The following SYT16 variants were observed in gnomAD, a reference collection of about 807,000 sequenced individuals.
The protein encoded by SYT16 is synaptotagmin 16, also known as synaptotagmin-16.
Under a neutral mutation model 61.4 loss-of-function variants are expected in SYT16, and 42 were observed. The ratio of observed to expected loss-of-function variants is 0.68; its 90% CI spans 0.53 to 0.89. SYT16 has a LOEUF of 0.89. Ranked by LOEUF, SYT16 falls within the 40% of genes least tolerant of loss-of-function variation. SYT16 has a pLI of 0.00. For missense variants in SYT16, 804 were observed against 807.3 expected, an observed-to-expected ratio of 1.00 and a Z score of 0.05; for synonymous variants, 314 against 302.3, an observed-to-expected ratio of 1.04 and a Z score of -0.40.
At chr14:61,985,660 C>T (rs2052275596) in intron 2 of SYT16, among the ~76,000 whole-genome samples, 1 of 152,094 alleles carries the variant, frequency 6.6e-6, no homozygotes, top group Non-Finnish European at 1.5e-5. Context: ...CTGGAAAAAC[C>T]TCATTCATTT....
At chr14:61,956,830 T>G (rs1421825397) in intron 1 of SYT16, among the ~76,000 whole-genome samples, 1 of 151,996 alleles carries the variant, frequency 6.6e-6, no homozygotes, top group Non-Finnish European at 1.5e-5. Flanking sequence ...TTTTTTTCTA[T>G]TGCTTTAAAA....
At chr14:61,845,305 C>T (rs1028479542) in intron 1 of SYT16, among the ~76,000 whole-genome samples, 1 of 152,158 alleles carries the variant, frequency 6.6e-6, no homozygotes, top group Non-Finnish European at 1.5e-5. Context: ...CCTCAGCCTC[C>T]CAAAGTGCTG....
At chr14:61,912,405 G>A (rs894377077) in intron 1 of SYT16, among the ~76,000 whole-genome samples, 24 of 152,194 alleles carry the variant, frequency 1.6e-4, no homozygotes, top group African/African-American at 5.8e-4. Context: ...CATTTGTTGG[G>A]TATGATTTCA....
chr14:61,836,968 G>A (rs890616055), intron 1 of SYT16, among the ~76,000 whole-genome samples: 1 of 152,100 alleles, frequency 6.6e-6, no homozygotes, highest in Non-Finnish European at 1.5e-5. Flanking sequence ...CAGACAGTAC[G>A]CTAACCCCTA....
intron 1 of SYT16, chr14:61,831,858 C>T: frequency 2.3e-6 from 1 of 436,718 alleles, no homozygotes; most frequent in Non-Finnish European, 4.5e-6. Flanking sequence ...AGGACAGCAT[C>T]TCTCACTTCT....
chr14:61,918,954 T>C (rs920942915), intron 1 of SYT16, among the ~76,000 whole-genome samples: 1 of 152,112 alleles, frequency 6.6e-6, no homozygotes, highest in African/African-American at 2.4e-5. Context: ...CTTTTGGAAA[T>C]AATATAAGAC....
At chr14:61,951,413 G>T (rs973113633) in intron 1 of SYT16, among the ~76,000 whole-genome samples, 31 of 152,196 alleles carry the variant, frequency 2.0e-4, no homozygotes, top group African/African-American at 6.7e-4. Flanking sequence ...TCTTTTTAAG[G>T]GTATTGGATT....
In SYT16 at chr14:62,038,641, CTCTG is replaced by C. The variant is rs2054599698; in HGVS notation, c.524-30957_524-30954del. Among the ~76,000 whole-genome samples, 8 of 152,236 alleles carry C rather than the reference CTCTG, an allele frequency of 5.3e-5. No homozygotes were observed. The South Asian group carries it at 1.7e-3, about 32-fold the overall frequency. On this transcript the variant is annotated intron_variant, in intron 3 of 7. Coordinates refer to ENST00000683842, the MANE Select transcript of SYT16 (RefSeq NM_001367656.1). ...GTCATTTTGGTTTTGAGGCCCAGCTCTCTGTCTGGCCTTTATAGTTCCCTGGAAC... is the reference window on the plus strand; with the variant it reads ...GTCATTTTGGTTTTGAGGCCCAGCTCTCTGGCCTTTATAGTTCCCTGGAAC...
chr14:61,859,081 G>A (rs950368021), intron 1 of SYT16, among the ~76,000 whole-genome samples: 5 of 151,666 alleles, frequency 3.3e-5, no homozygotes, highest in Non-Finnish European at 5.9e-5. Context: ...GGATGGTCTT[G>A]ATCTCCTGAC....
intron 4 of SYT16, among the ~76,000 whole-genome samples, chr14:62,074,496 G>A (rs966659864): frequency 1.3e-5 from 2 of 152,302 alleles, no homozygotes; most frequent in Middle Eastern, 3.4e-3. Context: ...TAATATTTAC[G>A]GAAGGCCTTG....
intron 1 of SYT16, among the ~76,000 whole-genome samples, chr14:61,892,905 T>G (rs1032451019): frequency 2.7e-5 from 4 of 145,898 alleles, no homozygotes; most frequent in Non-Finnish European, 3.0e-5. Context: ...GAATAAACGG[T>G]TTTTTTTTTT....
chr14:61,886,056 C>T (rs922462618), intron 1 of SYT16, among the ~76,000 whole-genome samples: 3 of 151,640 alleles, frequency 2.0e-5, no homozygotes, highest in African/African-American at 7.3e-5. Flanking sequence ...GTTCTGCCTC[C>T]TGGGTTCATG....
At chr14:61,838,883 G>T (rs1484694382) in intron 1 of SYT16, among the ~76,000 whole-genome samples, 1 of 152,142 alleles carries the variant, frequency 6.6e-6, no homozygotes, top group African/African-American at 2.4e-5. Flanking sequence ...TAGGCAACAG[G>T]CCTAAGGCTT....
At chr14:62,029,808 T>G (rs1156822648) in intron 3 of SYT16, among the ~76,000 whole-genome samples, 1 of 151,942 alleles carries the variant, frequency 6.6e-6, no homozygotes, top group African/African-American at 2.4e-5. Flanking sequence ...AGGAGGAGAT[T>G]GATGGTTTTA....
At position 61,908,918 on chromosome 14, in the gene SYT16, G is replaced by A. The variant is rs537255296; in HGVS notation, c.-324-61214G>A. ...GTTCACTGCAGCCTTGAACTCCTGG[G>A]CTCAAGTGATCCTCCCACCCCAGCT... is the stretch of plus-strand genomic sequence containing the variant. On this transcript the variant is annotated intron_variant, in intron 1 of 7. Coordinates refer to ENST00000683842, the MANE Select transcript of SYT16 (RefSeq NM_001367656.1). Among the ~76,000 whole-genome samples the A allele has an allele frequency of 7.9e-5, 12 of 152,192 alleles. No homozygotes were observed. In the South Asian group the frequency reaches 2.3e-3, roughly 29 times the overall value.
At chr14:61,879,816 G>A (rs929292536) in intron 1 of SYT16, among the ~76,000 whole-genome samples, 16 of 152,182 alleles carry the variant, frequency 1.1e-4, no homozygotes, top group Admixed American at 6.5e-4. Flanking sequence ...TCCTGACATC[G>A]ATCTAACATT....
At chr14:61,824,545 G>T (rs920094683) in intron 1 of SYT16, among the ~76,000 whole-genome samples, 12 of 152,064 alleles carry the variant, frequency 7.9e-5, no homozygotes, top group Admixed American at 3.3e-4. Flanking sequence ...GTAGAGACGG[G>T]GTTTCACTGT....
chr14:62,075,643 A>G (rs1314830989), intron 5 of SYT16, among the ~76,000 whole-genome samples: 1 of 150,108 alleles, frequency 6.7e-6, no homozygotes, highest in Non-Finnish European at 1.5e-5. Flanking sequence ...AAAAATAAGA[A>G]TGGTGGCAGA....
In SYT16 at chr14:62,081,120, A is replaced by T; in HGVS notation, c.1280A>T (p.Asp427Val). 1 of 1,613,912 alleles carries T rather than the reference A, an allele frequency of 6.2e-7. No individual in the cohort carries two copies. Among genetic ancestry groups the T allele is most frequent in the East Asian group, 2.2e-5 (1 of 44,880 alleles). The change falls in exon 6 of 8, where the codon GAT becomes GTT. Residue 427 changes from aspartate to valine, a missense_variant. Asp to Val is a radical substitution (Grantham distance 152). Coordinates refer to ENST00000683842, the MANE Select transcript of SYT16 (RefSeq NM_001367656.1). ...ACCTTTGCCAAGCTGGAGCCCAGAG[A>T]TGTGGCTGCCTGTGCTGTCCGCTTC... ...KVTFAKLEPR[D>V]VAACAVRFRL...
Sources: gnomAD v4.1 joint callset for allele counts (sites outside exome capture counted in the v4.1 genomes callset) on GRCh38, gnomAD v4.1.1 for gene constraint, MANE v1.5 for transcripts, NCBI Gene and HGNC (gene_info 2026-07-23, HGNC 2026-07-21) for gene names.